The following FRMD5 variants were observed in gnomAD, a reference collection of about 807,000 sequenced individuals.
The protein encoded by FRMD5 is FERM domain-containing protein 5.
In FRMD5, 20 loss-of-function variants were observed where a neutral mutation model predicts 69.0. The observed-to-expected ratio is 0.29, with a 90% CI of 0.20 to 0.42. FRMD5 has a LOEUF of 0.42. FRMD5 is among the 10% of genes least tolerant of loss of function. FRMD5 has a pLI of 1.00. For missense variants in FRMD5, 595 were observed against 708.6 expected, an observed-to-expected ratio of 0.84 and a Z score of 1.82; for synonymous variants, 271 against 260.1, an observed-to-expected ratio of 1.04 and a Z score of -0.40.
chr15:44,161,887 T>C (rs1004018338), intron 1 of FRMD5, among the ~76,000 whole-genome samples: 1 of 152,256 alleles, frequency 6.6e-6, no homozygotes, highest in African/African-American at 2.4e-5. Flanking sequence ...GCCATCTTTA[T>C]GAGCCTTATG....
At chr15:43,907,465 A>G (rs1041631324) in intron 5 of FRMD5, among the ~76,000 whole-genome samples, 6 of 151,142 alleles carry the variant, frequency 4.0e-5, no homozygotes, top group Non-Finnish European at 8.8e-5. Flanking sequence ...GACCTCCTGG[A>G]CTGAAGTGAT....
At chr15:43,935,190 A>C (rs2089738483) in intron 1 of FRMD5, among the ~76,000 whole-genome samples, 1 of 152,178 alleles carries the variant, frequency 6.6e-6, no homozygotes, top group Admixed American at 6.5e-5. Context: ...TCTATAAATA[A>C]TTCTTGGGGC....
At chr15:44,027,900 T>C (rs1891508615) in intron 1 of FRMD5, among the ~76,000 whole-genome samples, 1 of 152,012 alleles carries the variant, frequency 6.6e-6, no homozygotes, top group Non-Finnish European at 1.5e-5. Flanking sequence ...CTCCTCGGCC[T>C]CCCAAAGTGC....
chr15:43,896,190 C>T (rs545260510), intron 7 of FRMD5, among the ~76,000 whole-genome samples: 1 of 152,080 alleles, frequency 6.6e-6, no homozygotes, highest in Non-Finnish European at 1.5e-5. Context: ...AGGTAACAGT[C>T]GAAATAATCT....
chr15:44,125,421 T>C (rs958622773), intron 1 of FRMD5, among the ~76,000 whole-genome samples: 2 of 152,238 alleles, frequency 1.3e-5, no homozygotes, highest in Admixed American at 1.3e-4. Flanking sequence ...TTCTGATTAT[T>C]ACCATAGTAC....
At chr15:44,027,747 C>T (rs1044981249) in intron 1 of FRMD5, among the ~76,000 whole-genome samples, 3 of 150,386 alleles carry the variant, frequency 2.0e-5, no homozygotes, top group Admixed American at 6.6e-5. Context: ...GCCTCCTGAG[C>T]GATTCTCTTG....
upstream of FRMD5, among the ~76,000 whole-genome samples, chr15:44,197,466 G>A (rs1210848674): frequency 2.0e-5 from 3 of 151,762 alleles, no homozygotes; most frequent in Non-Finnish European, 4.4e-5. Flanking sequence ...GGTGGATCAC[G>A]AGGTCAGGAG....
chr15:44,193,883 T>C (rs1248344274), intron 1 of FRMD5, among the ~76,000 whole-genome samples: 2 of 152,170 alleles, frequency 1.3e-5, no homozygotes, highest in Non-Finnish European at 2.9e-5. Context: ...GCCGACAGTT[T>C]TTGTCTGTCA....
At chr15:44,121,516 T>C (rs537124952) in intron 1 of FRMD5, among the ~76,000 whole-genome samples, 1 of 152,258 alleles carries the variant, frequency 6.6e-6, no homozygotes, top group South Asian at 2.1e-4. Context: ...AGATTTAAGA[T>C]CTGTAGTCCC....
rs577990434 is a variant in FRMD5 at position 44,017,192 on chromosome 15, G to A, written c.103-92883C>T. On this transcript the variant is annotated intron_variant, in intron 1 of 13. Transcript: ENST00000417257. ...TCTCTACTAAAAATACAAAAAATTA[G>A]CCGGGCCTGGTGGTGGGCGCCTGTA... Among the ~76,000 whole-genome samples, 4 of 152,120 alleles carry A rather than the reference G, an allele frequency of 2.6e-5. No individual in the cohort carries two copies. The South Asian group carries it at 8.3e-4, about 32-fold the overall frequency.
At chr15:44,195,382 CGAGATA>C, upstream of FRMD5, 1 of 387,274 alleles carries the variant, frequency 2.6e-6, no homozygotes, top group Middle Eastern at 7.2e-4. Flanking sequence ...AAAAGCCAAT[CGAGATA>C]GAGTACTGGG....
chr15:44,007,948 AT>A (rs941769470), intron 1 of FRMD5, among the ~76,000 whole-genome samples: 2 of 151,792 alleles, frequency 1.3e-5, no homozygotes, highest in African/African-American at 2.4e-5. Flanking sequence ...CTGGCTGCTA[AT>A]TTTTTTTAAA....
chr15:43,992,533 A>G (rs1431979752), intron 1 of FRMD5, among the ~76,000 whole-genome samples: 4 of 152,052 alleles, frequency 2.6e-5, no homozygotes, highest in African/African-American at 9.7e-5. Context: ...GCATGCTACT[A>G]TGCCCAGCTA....
rs972687848 is a variant in FRMD5, at chr15:44,177,693, A to T, written c.102+17260T>A. Among the ~76,000 whole-genome samples the T allele has an allele frequency of 1.3e-5, 2 of 152,248 alleles. 1 individual carries two copies. Among genetic ancestry groups the T allele is most frequent in the Admixed American group, 1.3e-4 (2 of 15,282 alleles). On this transcript the variant is annotated intron_variant, in intron 1 of 13. Transcript: ENST00000417257. ...TAAAAACTGTTGAAATGTACACCTT[A>T]AACAGATGAACTTTATGGTATGTAA...
intron 1 of FRMD5, among the ~76,000 whole-genome samples, chr15:43,976,574 G>A (rs1367085793): frequency 6.6e-6 from 1 of 152,330 alleles, no homozygotes; most frequent in African/African-American, 2.4e-5. Context: ...TGGCCAAACA[G>A]GTTTATTTAC....
chr15:44,007,877 C>G (rs1418232824), intron 1 of FRMD5, among the ~76,000 whole-genome samples: 3 of 151,958 alleles, frequency 2.0e-5, no homozygotes, highest in Non-Finnish European at 4.4e-5. Context: ...TTCCCGACCT[C>G]AGGTGATCCA....
intron 2 of FRMD5, among the ~76,000 whole-genome samples, chr15:43,923,529 T>C (rs1422884932): frequency 2.0e-5 from 3 of 152,148 alleles, no homozygotes; most frequent in Admixed American, 1.3e-4. Context: ...GGGAACTCTA[T>C]AGGTGAAGGC....
At chr15:43,995,895 C>T (rs577706385) in intron 1 of FRMD5, among the ~76,000 whole-genome samples, 44 of 152,156 alleles carry the variant, frequency 2.9e-4, no homozygotes, top group Admixed American at 9.8e-4. Context: ...CAGCCCAGTG[C>T]TGGGGTCTAC....
At chr15:43,881,582 A>C (rs2088531366) in intron 13 of FRMD5, among the ~76,000 whole-genome samples, 1 of 152,210 alleles carries the variant, frequency 6.6e-6, no homozygotes, top group Admixed American at 6.5e-5. Flanking sequence ...CAGAGCTCCT[A>C]GTCAGACCTT....
Sources: allele counts gnomAD v4.1 joint callset (sites outside exome capture counted in the v4.1 genomes callset), GRCh38; gene constraint gnomAD v4.1.1; transcripts MANE v1.5; gene names NCBI Gene and HGNC (gene_info 2026-07-23, HGNC 2026-07-21).